MALRD1: variants seen among roughly 807,000 people sequenced by gnomAD.
MALRD1 encodes MAM and LDL-receptor class A domain-containing protein 1.
MALRD1 carries 247 observed loss-of-function variants against 242.1 expected under a neutral mutation model. The observed-to-expected ratio is 1.02, with a 90% CI of 0.92 to 1.13. The LOEUF is 1.13. Ranked by LOEUF, MALRD1 falls within the 50% of genes most tolerant of loss-of-function variation. The pLI is 0.00. For missense variants in MALRD1, 2,989 were observed against 2,533.1 expected (o/e 1.18, Z -3.86); for synonymous variants, 995 against 866.6 (o/e 1.15, Z -2.60).
At chr10:19,127,307 C>G (rs1357202136) in intron 7 of MALRD1, among the ~76,000 whole-genome samples, 1 of 152,160 alleles carries the variant, frequency 6.6e-6, no homozygotes, top group Non-Finnish European at 1.5e-5. Flanking sequence ...TGTTGAAAGT[C>G]AGGCATGATT....
intron 1 of MALRD1, among the ~76,000 whole-genome samples, chr10:19,059,107 A>C (rs1834748225): frequency 6.6e-6 from 1 of 152,168 alleles, no homozygotes; most frequent in Non-Finnish European, 1.5e-5. Context: ...TATTAGGTTA[A>C]TGTTTAAATA....
intron 36 of MALRD1, among the ~76,000 whole-genome samples, chr10:19,682,784 A>G (rs770414294): frequency 6.6e-5 from 10 of 152,210 alleles, no homozygotes; most frequent in African/African-American, 1.4e-4. Flanking sequence ...GAGGCTCAGC[A>G]TATGGCCCAG....
intron 18 of MALRD1, among the ~76,000 whole-genome samples, chr10:19,233,678 G>A (rs1352680509): frequency 6.6e-6 from 1 of 151,910 alleles, no homozygotes; most frequent in African/African-American, 2.4e-5. Flanking sequence ...GTGAAAAATT[G>A]ATTTTATGTT....
At position 19,591,723 on chromosome 10, in the gene MALRD1, C is replaced by G. The variant is rs190706178; in HGVS notation, c.5681-3471C>G. Among the ~76,000 whole-genome samples, 8 of 152,210 alleles carry G rather than the reference C, an allele frequency of 5.3e-5. No homozygotes were observed. In the East Asian group the frequency reaches 1.6e-3, roughly 29 times the overall value. On this transcript the variant is annotated intron_variant, in intron 33 of 39. Coordinates refer to ENST00000454679, the MANE Select transcript of MALRD1 (RefSeq NM_001142308.3). ...GTGTTGACCAGGCTGGTCTTGAACT[C>G]CTCACCTCAGATGATCTGCCCACCT... is the stretch of plus-strand genomic sequence containing the variant.
At chr10:19,593,641 C>A (rs1206297383) in intron 33 of MALRD1, among the ~76,000 whole-genome samples, 3 of 152,138 alleles carry the variant, frequency 2.0e-5, no homozygotes, top group Non-Finnish European at 4.4e-5. Flanking sequence ...CACTAATCAC[C>A]AATTAGTTCC....
At chr10:19,096,296 G>A (rs941158014) in intron 4 of MALRD1, among the ~76,000 whole-genome samples, 1 of 152,118 alleles carries the variant, frequency 6.6e-6, no homozygotes, top group African/African-American at 2.4e-5. Context: ...TAATATCCAG[G>A]GTGATTCGGC....
chr10:19,721,646 A>T (rs558183629), intron 38 of MALRD1: 1 of 152,358 alleles, frequency 6.6e-6, no homozygotes, highest in Admixed American at 6.5e-5. Flanking sequence ...GTTTAAAAAG[A>T]AATACATAGG....
At chr10:19,293,503 A>C (rs956475563) in intron 21 of MALRD1, among the ~76,000 whole-genome samples, 2 of 152,240 alleles carry the variant, frequency 1.3e-5, no homozygotes, top group South Asian at 2.1e-4. Context: ...GTTGTGCGCA[A>C]GTAAATTAAA....
intron 18 of MALRD1, among the ~76,000 whole-genome samples, chr10:19,253,285 T>C (rs2131793595): frequency 6.6e-6 from 1 of 151,994 alleles, no homozygotes; most frequent in East Asian, 1.9e-4. Flanking sequence ...GAGATTACTA[T>C]ATGCTGGTTA....
intron 26 of MALRD1, among the ~76,000 whole-genome samples, chr10:19,371,569 G>A (rs568301961): frequency 6.6e-6 from 1 of 151,898 alleles, no homozygotes; most frequent in African/African-American, 2.4e-5. Flanking sequence ...CTTGGCCCAG[G>A]CCTACAGTCT....
intron 38 of MALRD1, among the ~76,000 whole-genome samples, chr10:19,705,537 C>T (rs942631130): frequency 5.9e-5 from 9 of 152,110 alleles, no homozygotes; most frequent in South Asian, 2.1e-4. Context: ...GTATTGGCCA[C>T]GCTCTGACAA....
At chr10:19,723,175 AT>A (rs1412816407) in intron 38 of MALRD1, among the ~76,000 whole-genome samples, 2 of 152,168 alleles carry the variant, frequency 1.3e-5, no homozygotes, top group Non-Finnish European at 2.9e-5. Flanking sequence ...CATTTCACTC[AT>A]GGAAGCATGA....
Position 19,527,569 on chromosome 10 carries a change from T to G in MALRD1, c.5321-3625T>G, listed in dbSNP as rs527542454. Among the ~76,000 whole-genome samples, 58 of 152,278 alleles carry G rather than the reference T, an allele frequency of 3.8e-4. No homozygotes were observed. The South Asian group carries it at 0.011, about 28-fold the overall frequency. Reference sequence around the variant, plus strand: ...AAAAAGAAATATTTAAAGTCTGAATTAAATAGAATCTGCTTCTGAGATGGA... The same window carrying G: ...AAAAAGAAATATTTAAAGTCTGAATGAAATAGAATCTGCTTCTGAGATGGA... On this transcript the variant is annotated intron_variant, in intron 31 of 39. Coordinates refer to ENST00000454679, the MANE Select transcript of MALRD1 (RefSeq NM_001142308.3).
chr10:19,306,398 G>GT, intron 21 of MALRD1, among the ~76,000 whole-genome samples: 1 of 98,262 alleles, frequency 1.0e-5, no homozygotes, highest in Non-Finnish European at 2.2e-5. Context: ...ATATAGTGTC[G>GT]TATATGTACC....
At chr10:19,579,982 G>A (rs887167487) in intron 33 of MALRD1, among the ~76,000 whole-genome samples, 8 of 152,148 alleles carry the variant, frequency 5.3e-5, no homozygotes, top group Admixed American at 3.3e-4. Flanking sequence ...ACACAACCTC[G>A]TCCAACATTG....
At chr10:19,497,947 TA>T (rs1279429988) in intron 30 of MALRD1, among the ~76,000 whole-genome samples, 1 of 152,234 alleles carries the variant, frequency 6.6e-6, no homozygotes, top group Non-Finnish European at 1.5e-5. Context: ...TCAACACTTT[TA>T]GAAGAGAATT....
At chr10:19,520,098 C>T (rs867269717) in intron 31 of MALRD1, among the ~76,000 whole-genome samples, 1 of 152,110 alleles carries the variant, frequency 6.6e-6, no homozygotes, top group Non-Finnish European at 1.5e-5. Flanking sequence ...AACCTTGAGT[C>T]GTTCACGGAA....
At chr10:19,519,284 C>T (rs563746466) in intron 31 of MALRD1, among the ~76,000 whole-genome samples, 5 of 152,014 alleles carry the variant, frequency 3.3e-5, no homozygotes. Flanking sequence ...TTGCCTCCTA[C>T]TTTTACTTTT....
At chr10:19,221,072 AT>A (rs138246752) in intron 18 of MALRD1, among the ~76,000 whole-genome samples, 2,151 of 152,194 alleles carry the variant, frequency 0.014, 43 homozygotes, top group African/African-American at 0.049. Context: ...AGGAAAAGAT[AT>A]TTTTCCCCCA....
Sources: allele counts gnomAD v4.1 joint callset (sites outside exome capture counted in the v4.1 genomes callset), GRCh38; gene constraint gnomAD v4.1.1; transcripts MANE v1.5; gene names NCBI Gene and HGNC (gene_info 2026-07-23, HGNC 2026-07-21).